Variants in EBF1 observed in about 807,000 individuals in gnomAD.
EBF1 encodes transcription factor COE1.
A neutral mutation model predicts 68.4 loss-of-function variants in EBF1; 10 were observed. The ratio of observed to expected loss-of-function variants is 0.15; its 90% confidence interval spans 0.09 to 0.25. The LOEUF (loss-of-function observed/expected upper bound fraction) is 0.25. Ranked by LOEUF, EBF1 falls within the 10% of genes least tolerant of loss-of-function variation. The pLI, the probability that EBF1 is intolerant of heterozygous loss-of-function variation, is 1.00. For synonymous variants in EBF1, 298 were observed against 299.8 expected (o/e 0.99, Z 0.06); for missense variants, 509 against 794.4 (o/e 0.64, Z 4.32).
chr5:158,809,013 C>T (rs1000648466), intron 8 of EBF1, among the ~76,000 whole-genome samples: 3 of 152,068 alleles, frequency 2.0e-5, no homozygotes, highest in Non-Finnish European at 4.4e-5. Context: ...CTGCACTTTT[C>T]CTTGAACTCA....
intron 6 of EBF1, among the ~76,000 whole-genome samples, chr5:158,847,027 G>A (rs1164564170): frequency 6.6e-6 from 1 of 152,144 alleles, no homozygotes; most frequent in East Asian, 1.9e-4. Flanking sequence ...GATCCCAGGG[G>A]GAGAGCATGT....
intron 12 of EBF1, 57 bp from the exon 13 acceptor site, chr5:158,713,204 C>T: frequency 9.8e-6 from 13 of 1,320,452 alleles, no homozygotes; most frequent in Non-Finnish European, 1.3e-5. Context: ...CCCAATAATA[C>T]CATTTTTTCG....
chr5:158,986,341 A>G (rs1759067571), intron 6 of EBF1: 1 of 152,188 alleles, frequency 6.6e-6, no homozygotes, highest in South Asian at 2.1e-4. Flanking sequence ...TTTTAAGATT[A>G]AAAAGAGTCA....
At chr5:158,832,106 T>G in intron 7 of EBF1, among the ~76,000 whole-genome samples, 1 of 152,236 alleles carries the variant, frequency 6.6e-6, no homozygotes. Context: ...TCCCAACAAC[T>G]ATAGGCATCT....
intron 6 of EBF1, among the ~76,000 whole-genome samples, chr5:158,969,916 G>GAAAAAA (rs61157554): frequency 2.5e-5 from 2 of 80,100 alleles, no homozygotes; most frequent in East Asian, 3.9e-4. Context: ...AAGAAAGAAA[G>GAAAAAA]AAAAAAAAAA....
chr5:158,806,225 C>G (rs1781570005), intron 8 of EBF1, among the ~76,000 whole-genome samples: 2 of 152,098 alleles, frequency 1.3e-5, no homozygotes, highest in African/African-American at 4.8e-5. Context: ...CTCTGACTAC[C>G]AGGCACGGTG....
rs1002285819 is a variant in EBF1 at position 159,099,377 on chromosome 5, G to A, written c.102C>T (p.Ala34=). ...MNAVRTWMQG[A]GVLDANTAAQ... is the part of the protein sequence containing the mutation. ...CCGCCGTGTTGGCGTCCAGCACCCC[G>A]GCGCCCTGCATCCACGTCCGCACCG... Residue 34 remains alanine (A), a synonymous_variant, in exon 1 of 16, where the codon GCC becomes GCT. Coordinates refer to ENST00000313708, the MANE Select transcript of EBF1 (RefSeq NM_024007.5). The A allele has an allele frequency of 6.3e-7, 1 of 1,596,600 alleles. No individual in the cohort carries two copies. The highest frequency in any genetic ancestry group is 8.5e-7 in the Non-Finnish European group (1 of 1,172,142).
intron 4 of EBF1, among the ~76,000 whole-genome samples, chr5:159,088,081 G>A (rs1429594487): frequency 6.6e-6 from 1 of 152,112 alleles, no homozygotes; most frequent in Non-Finnish European, 1.5e-5. Flanking sequence ...TCAGTGTAAT[G>A]AGGTTAGCTC....
chr5:159,033,569 C>T (rs1022309524), intron 6 of EBF1, among the ~76,000 whole-genome samples: 2 of 152,160 alleles, frequency 1.3e-5, no homozygotes, highest in African/African-American at 2.4e-5. Flanking sequence ...TGTATCTTGA[C>T]AGTGAGAGCT....
chr5:158,826,893 T>G (rs1285013645), intron 7 of EBF1, among the ~76,000 whole-genome samples: 1 of 152,174 alleles, frequency 6.6e-6, no homozygotes, highest in Non-Finnish European at 1.5e-5. Context: ...CTAAAAGGTA[T>G]TATTCCAATC....
intron 6 of EBF1, among the ~76,000 whole-genome samples, chr5:159,034,553 A>G (rs1052214813): frequency 1.3e-5 from 2 of 152,234 alleles, no homozygotes; most frequent in Admixed American, 1.3e-4. Flanking sequence ...GAAGCGGCTC[A>G]GTGACCCCTG....
chr5:158,925,826 T>C (rs1299374029), intron 6 of EBF1, among the ~76,000 whole-genome samples: 1 of 152,252 alleles, frequency 6.6e-6, no homozygotes, highest in African/African-American at 2.4e-5. Context: ...AACTTAATTC[T>C]AATTAATATA....
intron 6 of EBF1, among the ~76,000 whole-genome samples, chr5:159,030,260 A>ATGTCTTTTCCAATTTTTC (rs1768511830): frequency 6.6e-6 from 1 of 152,020 alleles, no homozygotes; most frequent in South Asian, 2.1e-4. Flanking sequence ...TTCCTTTTTT[A>ATGTCTTTTCCAATTTTTC]TGTCTTTTCC....
intron 10 of EBF1, among the ~76,000 whole-genome samples, chr5:158,738,800 C>T (rs1274051842): frequency 2.0e-5 from 3 of 152,162 alleles, no homozygotes; most frequent in African/African-American, 7.2e-5. Flanking sequence ...CCTCAATTTG[C>T]CACACATTAA....
At chr5:158,974,708 C>T (rs1756375134) in intron 6 of EBF1, among the ~76,000 whole-genome samples, 1 of 152,048 alleles carries the variant, frequency 6.6e-6, no homozygotes, top group East Asian at 1.9e-4. Context: ...TATAATGGTT[C>T]CAAAGAGTAT....
Position 159,008,156 on chromosome 5 carries a change from C to T in EBF1, c.554+65240G>A, listed in dbSNP as rs150615550. 1.9e-3 allele frequency among the ~76,000 whole-genome samples: 289 copies of T among 151,798 alleles called. 1 individual carries two copies. The highest frequency in any genetic ancestry group is 6.4e-3 in the African/African-American group (264 of 41,418). On this transcript the variant is annotated intron_variant, in intron 6 of 15. Coordinates refer to ENST00000313708, the MANE Select transcript of EBF1 (RefSeq NM_024007.5). ...ATTATTTCTATTGAAACAAGTGGTA[C>T]CAAAAAAAAGTAAAATAAAATGAGA... is the stretch of plus-strand genomic sequence containing the variant.
intron 6 of EBF1, among the ~76,000 whole-genome samples, chr5:158,999,657 G>C (rs1762130812): frequency 6.6e-6 from 1 of 152,028 alleles, no homozygotes; most frequent in African/African-American, 2.4e-5. Flanking sequence ...TTCAGCAGTT[G>C]CTGATGGTCT....
chr5:159,044,872 C>T (rs1305593999), intron 6 of EBF1, among the ~76,000 whole-genome samples: 1 of 152,016 alleles, frequency 6.6e-6, no homozygotes, highest in Admixed American at 6.5e-5. Context: ...TCTTAAGGAT[C>T]ACAAGGGAAT....
At chr5:159,012,822 G>T (rs754328931) in intron 6 of EBF1, among the ~76,000 whole-genome samples, 22 of 152,182 alleles carry the variant, frequency 1.4e-4, no homozygotes, top group Non-Finnish European at 2.5e-4. Context: ...CTTTAAAGAG[G>T]TCATTAAAAT....
Sources: gnomAD v4.1 joint callset for allele counts (sites outside exome capture counted in the v4.1 genomes callset) on GRCh38, gnomAD v4.1.1 for gene constraint, MANE v1.5 for transcripts, NCBI Gene and HGNC (gene_info 2026-07-23, HGNC 2026-07-21) for gene names.